AGBL1: variants seen among roughly 807,000 people sequenced by gnomAD.
The protein encoded by AGBL1 is AGBL carboxypeptidase 1.
Under a neutral mutation model 118.9 loss-of-function variants are expected in AGBL1, and 130 were observed. The observed-to-expected ratio is 1.09, with a 90% CI of 0.95 to 1.26. AGBL1 has a LOEUF of 1.26. AGBL1 is among the 50% of genes most tolerant of loss of function. AGBL1 has a pLI of 0.00. For missense variants in AGBL1, 1,584 were observed against 1,298.1 expected (o/e 1.22, Z -3.38); for synonymous variants, 555 against 478.9 (o/e 1.16, Z -2.08).
chr15:86,738,306 C>G (rs1346368694), intron 22 of AGBL1, among the ~76,000 whole-genome samples: 1 of 152,100 alleles, frequency 6.6e-6, no homozygotes, highest in Non-Finnish European at 1.5e-5. Flanking sequence ...AGCACTTCCT[C>G]TAGAACTAGA....
At chr15:86,275,702 C>T (rs1016132203) in intron 15 of AGBL1, among the ~76,000 whole-genome samples, 1 of 152,140 alleles carries the variant, frequency 6.6e-6, no homozygotes, top group East Asian at 1.9e-4. Flanking sequence ...AAACAAAAAG[C>T]CTTTTAGCTG....
intron 24 of AGBL1, among the ~76,000 whole-genome samples, chr15:87,002,960 A>G (rs184098594): frequency 6.6e-6 from 1 of 152,074 alleles, no homozygotes; most frequent in East Asian, 1.9e-4. Context: ...CCTAATTAAT[A>G]CCCTTTATTT....
intron 1 of AGBL1, among the ~76,000 whole-genome samples, chr15:86,120,564 G>A (rs940459660): frequency 2.6e-5 from 4 of 152,300 alleles, no homozygotes; most frequent in African/African-American, 9.6e-5. Flanking sequence ...CAGTGGCTGT[G>A]AACCACCTCC....
Position 86,217,227 on chromosome 15 carries a change from G to T in AGBL1, c.489-7687G>T, listed in dbSNP as rs191352831. Reference sequence around the variant, plus strand: ...TAATTCCCTCAAACATAAGCTCTTTGGGTGTAAGAGTCTTTGGTTTATCAG... The same window carrying T: ...TAATTCCCTCAAACATAAGCTCTTTTGGTGTAAGAGTCTTTGGTTTATCAG... On this transcript the variant is annotated intron_variant, in intron 5 of 22. Transcript: ENST00000614907. Among the ~76,000 whole-genome samples the T allele has an allele frequency of 7.4e-3, 1,130 of 152,148 alleles. 15 individuals are homozygous for T. The highest frequency in any genetic ancestry group is 0.024 in the African/African-American group (1,006 of 41,520).
chr15:86,285,877 C>T (rs1332598129), intron 16 of AGBL1, among the ~76,000 whole-genome samples: 1 of 152,140 alleles, frequency 6.6e-6, no homozygotes, highest in African/African-American at 2.4e-5. Context: ...TGCTCATGTG[C>T]CCTATGATAC....
chr15:86,094,055 T>C (rs970909701), intron 1 of AGBL1, among the ~76,000 whole-genome samples: 27 of 152,154 alleles, frequency 1.8e-4, no homozygotes, highest in African/African-American at 6.5e-4. Context: ...GTTATACTCT[T>C]TAAAATAATA....
At chr15:86,651,481 G>A (rs2085368837) in intron 21 of AGBL1, among the ~76,000 whole-genome samples, 1 of 152,168 alleles carries the variant, frequency 6.6e-6, no homozygotes, top group Non-Finnish European at 1.5e-5. Flanking sequence ...ATTTGGAATT[G>A]TATAGATCTT....
intron 18 of AGBL1, among the ~76,000 whole-genome samples, chr15:86,401,243 C>G (rs1391891122): frequency 1.3e-5 from 2 of 151,952 alleles, no homozygotes; most frequent in Non-Finnish European, 2.9e-5. Context: ...TGTTTGTTGG[C>G]TACTTGTATA....
At chr15:86,458,893 T>A (rs1217182979) in intron 18 of AGBL1, among the ~76,000 whole-genome samples, 1 of 152,158 alleles carries the variant, frequency 6.6e-6, no homozygotes, top group Non-Finnish European at 1.5e-5. Flanking sequence ...AATAGACATA[T>A]TAAGGTCCCA....
chr15:86,613,683 G>T lies in AGBL1; in HGVS notation c.2994+59146G>T, dbSNP rs114133011. On this transcript the variant is annotated intron_variant, in intron 21 of 22. Coordinates refer to ENST00000614907, the MANE Select transcript of AGBL1 (RefSeq NM_001386094.1). This position sits in a 1 kb window ranked among gnomAD's most constrained non-coding sequence, Gnocchi z 4.2. ...AAGAGGGCATTTTCTATTGAGGGAT[G>T]AAAACAAATGTTGGTTAAAGCCCAA... Among the ~76,000 whole-genome samples, 1,024 of 152,276 alleles carry T rather than the reference G, an allele frequency of 6.7e-3. 16 individuals are homozygous for T. The highest frequency in any genetic ancestry group is 0.023 in the African/African-American group (950 of 41,566).
chr15:86,162,996 A>G (rs1158633629), intron 5 of AGBL1, among the ~76,000 whole-genome samples: 3 of 152,228 alleles, frequency 2.0e-5, no homozygotes, highest in African/African-American at 7.2e-5. Context: ...TTCGACATGC[A>G]TTCTATTGGA....
intron 22 of AGBL1, among the ~76,000 whole-genome samples, chr15:86,893,944 A>C (rs990033865): frequency 9.2e-5 from 14 of 152,210 alleles, no homozygotes; most frequent in Non-Finnish European, 1.9e-4. Context: ...AGAGAAGGCA[A>C]ATTCCTGTTT....
At position 86,870,454 on chromosome 15, in the gene AGBL1, C is replaced by CAAAAAAAAAAAAAAAAAA. The variant is rs770556494; in HGVS notation, c.3159-36608_3159-36591dup. Among the ~76,000 whole-genome samples, 70 of 64,108 alleles carry CAAAAAAAAAAAAAAAAAA rather than the reference C, an allele frequency of 1.1e-3. 12 individuals carry two copies. Among genetic ancestry groups the CAAAAAAAAAAAAAAAAAA allele is most frequent in the Admixed American group, 1.4e-3 (7 of 5,082 alleles). The allele number at this position is 64,108 out of a possible 152,430, so 42.1% of individuals were successfully genotyped here. ...GGCAAGAAAAAAGTAAAGCATACTG[C>CAAAAAAAAAAAAAAAAAA]AAAAAAAAAAAAAAAAAAAAAAAAA... On this transcript the variant is annotated intron_variant, in intron 22 of 22. Transcript: ENST00000614907.
chr15:86,787,044 ATGT>A (rs1207393332), intron 22 of AGBL1, among the ~76,000 whole-genome samples: 1 of 152,162 alleles, frequency 6.6e-6, no homozygotes, highest in Non-Finnish European at 1.5e-5. Context: ...TGCCTAATTG[ATGT>A]TGTTTGAAGG....
At chr15:86,620,067 T>G (rs1471226022) in intron 21 of AGBL1, among the ~76,000 whole-genome samples, 1 of 152,144 alleles carries the variant, frequency 6.6e-6, no homozygotes, top group East Asian at 1.9e-4. Flanking sequence ...AGTGTTTTTA[T>G]TAAAACACTG....
At chr15:86,275,394 T>C (rs1393261972) in intron 15 of AGBL1, among the ~76,000 whole-genome samples, 7 of 152,182 alleles carry the variant, frequency 4.6e-5, no homozygotes, top group Non-Finnish European at 1.0e-4. Context: ...CACAGGGAAG[T>C]CTGGCAACTT....
chr15:86,271,108 T>C (rs1353405471), intron 14 of AGBL1, among the ~76,000 whole-genome samples: 1 of 135,834 alleles, frequency 7.4e-6, no homozygotes, highest in Non-Finnish European at 1.5e-5. Flanking sequence ...TGGAGTGCAG[T>C]GGTGTGATCT....
chr15:86,463,279 G>A (rs1008384328), intron 18 of AGBL1, among the ~76,000 whole-genome samples: 3 of 151,580 alleles, frequency 2.0e-5, no homozygotes, highest in African/African-American at 7.3e-5. Context: ...ACATTTGATG[G>A]GGTTGTTTGT....
intron 16 of AGBL1, among the ~76,000 whole-genome samples, chr15:86,282,093 C>A (rs1200014172): frequency 6.6e-6 from 1 of 152,126 alleles, no homozygotes; most frequent in African/African-American, 2.4e-5. Context: ...TTACCTTGTG[C>A]CTCTGGGCCT....
Sources: allele counts gnomAD v4.1 joint callset (sites outside exome capture counted in the v4.1 genomes callset), GRCh38; gene constraint gnomAD v4.1.1; non-coding constraint Gnocchi (gnomAD v3.1); transcripts MANE v1.5; gene names NCBI Gene and HGNC (gene_info 2026-07-23, HGNC 2026-07-21).